Variants in ELMOD1 observed in about 807,000 individuals in gnomAD.
The protein encoded by ELMOD1 is ELMO domain containing 1.
A neutral mutation model predicts 46.7 loss-of-function variants in ELMOD1; 21 were observed. That is an observed-to-expected ratio of 0.45 (90% confidence interval 0.32 to 0.65). The LOEUF is 0.65. Ranked by LOEUF, ELMOD1 falls within the 30% of genes least tolerant of loss-of-function variation. ELMOD1 has a pLI of 0.04. For missense variants in ELMOD1, 348 were observed against 407.8 expected, an observed-to-expected ratio of 0.85 and a Z score of 1.26; for synonymous variants, 122 against 138.2, an observed-to-expected ratio of 0.88 and a Z score of 0.82.
intron 1 of ELMOD1, among the ~76,000 whole-genome samples, chr11:107,609,813 G>A (rs1325538723): frequency 1.3e-5 from 2 of 152,126 alleles, no homozygotes; most frequent in Non-Finnish European, 2.9e-5. Flanking sequence ...CCTTCCCTTT[G>A]GATGAGTTCA....
At chr11:107,629,115 T>C (rs901611601) in intron 2 of ELMOD1, among the ~76,000 whole-genome samples, 7 of 152,218 alleles carry the variant, frequency 4.6e-5, no homozygotes, top group African/African-American at 1.4e-4. Context: ...TCCTTTGCAT[T>C]TATAAGATAT....
intron 11 of ELMOD1, among the ~76,000 whole-genome samples, chr11:107,658,257 C>T (rs117952576): frequency 0.026 from 3,922 of 151,910 alleles, 54 homozygotes; most frequent in South Asian, 0.065. Flanking sequence ...TTTGGTTTTT[C>T]GTTTTTGTAA....
At chr11:107,641,481 C>T (rs545684500) in intron 6 of ELMOD1, among the ~76,000 whole-genome samples, 1 of 152,116 alleles carries the variant, frequency 6.6e-6, no homozygotes, top group Admixed American at 6.5e-5. Flanking sequence ...AATCTGTAAG[C>T]AATTAATACA....
chr11:107,604,735 G>A (rs564199228), intron 1 of ELMOD1, among the ~76,000 whole-genome samples: 10 of 152,290 alleles, frequency 6.6e-5, no homozygotes, highest in African/African-American at 2.4e-4. Context: ...TCTAAAGTGT[G>A]TTAAAAACTA....
chr11:107,615,968 T>A (rs1177906057), intron 1 of ELMOD1, among the ~76,000 whole-genome samples: 11 of 149,016 alleles, frequency 7.4e-5, no homozygotes, highest in African/African-American at 2.7e-4. Flanking sequence ...GCTGAGGCAG[T>A]GTTTGTCAGG....
At chr11:107,618,432 G>A (rs1045555281) in intron 2 of ELMOD1, among the ~76,000 whole-genome samples, 6 of 152,224 alleles carry the variant, frequency 3.9e-5, no homozygotes, top group African/African-American at 1.2e-4. Flanking sequence ...GCGAGAGAGT[G>A]TGGGCACAAA....
chr11:107,661,922 T>C (rs1866746010), intron 11 of ELMOD1, among the ~76,000 whole-genome samples: 1 of 152,184 alleles, frequency 6.6e-6, no homozygotes, highest in South Asian at 2.1e-4. Context: ...GGAAACAAGT[T>C]TCTGTTGATG....
chr11:107,650,930 G>T lies in ELMOD1; in HGVS notation c.647+22G>T, dbSNP rs1313611259. The T allele has an allele frequency of 3.7e-6, 4 of 1,091,086 alleles. No individual in the cohort carries two copies. In the East Asian group the frequency reaches 9.8e-5, roughly 27 times the overall value. 67.6% of individuals were successfully genotyped at this position (1,091,086 alleles called of 1,614,324 possible). On this transcript the variant is annotated intron_variant, in intron 9 of 11. Transcript: ENST00000265840. ...TAAGGTATTTTTTCTTTGTTTTTGTGTTTTATTGCTTTTATTTTGTCTTAG... is the reference window on the plus strand; with the variant it reads ...TAAGGTATTTTTTCTTTGTTTTTGTTTTTTATTGCTTTTATTTTGTCTTAG...
In ELMOD1 at chr11:107,649,247, G is replaced by A. The variant is rs971472901; in HGVS notation, c.555-1088G>A. Among the ~76,000 whole-genome samples the A allele has an allele frequency of 2.0e-5, 3 of 152,104 alleles. No individual in the cohort carries two copies. In the South Asian group the frequency reaches 6.2e-4, roughly 32 times the overall value. On this transcript the variant is annotated intron_variant, in intron 7 of 11. Transcript: ENST00000265840. ...CCTCACCTCAGTTCACAAGTTGAAAGTCCAAAACAAGTCTTTCCTACATTT... is the reference window on the plus strand; with the variant it reads ...CCTCACCTCAGTTCACAAGTTGAAAATCCAAAACAAGTCTTTCCTACATTT...
intron 2 of ELMOD1, 84 bp downstream of exon 2, chr11:107,618,290 T>C: frequency 2.1e-6 from 3 of 1,444,738 alleles, no homozygotes; most frequent in Non-Finnish European, 2.9e-6. Flanking sequence ...CAGTCATCGT[T>C]TGTGATCCTG....
intron 11 of ELMOD1, among the ~76,000 whole-genome samples, chr11:107,660,892 G>A (rs1199346622): frequency 1.3e-5 from 2 of 152,174 alleles, no homozygotes; most frequent in Non-Finnish European, 2.9e-5. Flanking sequence ...CAGCATTAGG[G>A]AGCACAGGAA....
At position 107,604,760 on chromosome 11, in the gene ELMOD1, C is replaced by T. The variant is rs188592015; in HGVS notation, c.-85-13345C>T. 3.9e-5 allele frequency among the ~76,000 whole-genome samples: 6 copies of T among 152,202 alleles called. No individual in the cohort carries two copies. In the East Asian group the frequency reaches 1.2e-3, roughly 29 times the overall value. On this transcript the variant is annotated intron_variant, in intron 1 of 11. Coordinates refer to ENST00000265840, the MANE Select transcript of ELMOD1 (RefSeq NM_018712.4). ...GTTAAAAACTACTTTTTTGCTTTAC[C>T]TTATGAATTGTTGCAGACGCCCAGT... is the stretch of plus-strand genomic sequence containing the variant.
Position 107,647,466 on chromosome 11 carries a change from A to T in ELMOD1, c.421-2A>T. The stretch of plus-strand genomic sequence containing the variant: ...GAGTAATCCTTTTTTTTTTTCCTAC[A>T]GTTATGGAAATTCTTGAAGCCCAAT... On this transcript the variant is annotated splice_acceptor_variant, in intron 6 of 11. Transcript: ENST00000265840. LOFTEE classifies it high-confidence loss of function. 3 of 1,597,634 alleles carry T rather than the reference A, an allele frequency of 1.9e-6. No homozygotes were observed.
chr11:107,650,552 G>C, intron 8 of ELMOD1, 149 bp downstream of exon 8: 1 of 673,158 alleles, frequency 1.5e-6, no homozygotes, highest in South Asian at 1.9e-5. Flanking sequence ...TGAGTTGGAG[G>C]GTTAAAACTT....
chr11:107,645,281 C>A (rs1362924727), intron 6 of ELMOD1, among the ~76,000 whole-genome samples: 1 of 150,884 alleles, frequency 6.6e-6, no homozygotes, highest in Admixed American at 6.6e-5. Context: ...ATGACGATCA[C>A]CTGGTCTCAT....
At chr11:107,605,191 CTTTTT>C (rs1033311280) in intron 1 of ELMOD1, among the ~76,000 whole-genome samples, 3 of 128,158 alleles carry the variant, frequency 2.3e-5, no homozygotes, top group Non-Finnish European at 3.4e-5. Flanking sequence ...AATTTTCTTT[CTTTTT>C]TTTTTTTTTT....
chr11:107,655,837 T>TAC, intron 10 of ELMOD1, 96 bp from the exon 11 acceptor site: 1 of 1,317,106 alleles, frequency 7.6e-7, no homozygotes, highest in Non-Finnish European at 1.0e-6. Flanking sequence ...TTGTACACTG[T>TAC]CGTGGCACTG....
At chr11:107,664,269 G>T (rs951799520) in intron 11 of ELMOD1, among the ~76,000 whole-genome samples, 2 of 151,554 alleles carry the variant, frequency 1.3e-5, no homozygotes, top group African/African-American at 4.9e-5. Context: ...AAAACACTAT[G>T]CATATTTCAA....
chr11:107,643,591 C>A, intron 6 of ELMOD1: 1 of 525,280 alleles, frequency 1.9e-6, no homozygotes, highest in South Asian at 1.4e-5. Context: ...CAGTTGCTGT[C>A]ATTTGAGTAC....
Sources: allele counts gnomAD v4.1 joint callset (sites outside exome capture counted in the v4.1 genomes callset), GRCh38; gene constraint gnomAD v4.1.1; transcripts MANE v1.5; gene names NCBI Gene and HGNC (gene_info 2026-07-23, HGNC 2026-07-21).